The following GRID2 variants were observed in gnomAD, a reference collection of about 807,000 sequenced individuals.
GRID2 encodes the protein glutamate ionotropic receptor delta type subunit 2.
A neutral mutation model predicts 114.8 loss-of-function variants in GRID2; 33 were observed. The ratio of observed to expected loss-of-function variants is 0.29; its 90% confidence interval spans 0.22 to 0.38. GRID2 has a LOEUF of 0.38. GRID2 is among the 10% of genes least tolerant of loss of function. The pLI is 1.00. For missense variants in GRID2, 1,184 were observed against 1,257.7 expected, an observed-to-expected ratio of 0.94 and a Z score of 0.89; for synonymous variants, 505 against 449.9, an observed-to-expected ratio of 1.12 and a Z score of -1.55.
At chr4:93,277,473 T>C (rs1579517988) in intron 8 of GRID2, among the ~76,000 whole-genome samples, 1 of 151,958 alleles carries the variant, frequency 6.6e-6, no homozygotes, top group Non-Finnish European at 1.5e-5. Context: ...CATCGTCTTA[T>C]TGTCTTTAAT....
chr4:92,418,077 T>C (rs1421762031), intron 1 of GRID2, among the ~76,000 whole-genome samples: 8 of 152,106 alleles, frequency 5.3e-5, no homozygotes, highest in African/African-American at 1.7e-4. Flanking sequence ...CTAATACAGT[T>C]ATACATGAAG....
intron 2 of GRID2, among the ~76,000 whole-genome samples, chr4:92,776,195 A>G (rs1435847247): frequency 6.6e-6 from 1 of 152,162 alleles, no homozygotes; most frequent in Non-Finnish European, 1.5e-5. Flanking sequence ...ATATAAATAT[A>G]CTTTGTAAAA....
chr4:92,974,898 C>T (rs554721844), intron 2 of GRID2, among the ~76,000 whole-genome samples: 1 of 152,062 alleles, frequency 6.6e-6, no homozygotes, highest in South Asian at 2.1e-4. Flanking sequence ...CGGCTCACGC[C>T]TGTAATCCCA....
rs72886280 is a variant in GRID2 at position 93,515,496 on chromosome 4, T to G, written c.2193+85T>G. 9.1e-3 allele frequency: 7,919 copies of G among 867,724 alleles called. 352 individuals carry two copies. The African/African-American group carries it at 0.11, about 12-fold the overall frequency. 53.8% of individuals were successfully genotyped at this position (867,724 alleles called of 1,614,324 possible). A position where few individuals can be genotyped will look rare whatever the true frequency, so the allele number is the denominator to read the frequency against. On this transcript the variant is annotated intron_variant, in intron 13 of 15. Transcript: ENST00000282020. ...CGCAGTTGAGATTTGTTTTTTTTGT[T>G]TTGTTTTTTGTTTTTTATCTTTAAT...
rs539797694 is a variant in GRID2 at position 92,603,280 on chromosome 4, A to C, written c.244+12994A>C. Among the ~76,000 whole-genome samples the C allele has an allele frequency of 6.5e-4, 99 of 152,212 alleles. 1 individual carries two copies. Among genetic ancestry groups the C allele is most frequent in the African/African-American group, 2.3e-3 (94 of 41,562 alleles). On this transcript the variant is annotated intron_variant, in intron 2 of 15. Coordinates refer to ENST00000282020, the MANE Select transcript of GRID2 (RefSeq NM_001510.4). ...AAAAAGAACAAAGTTGAGCCATCAC[A>C]CTACCTGACTTCAAACTATACTACA...
intron 8 of GRID2, among the ~76,000 whole-genome samples, chr4:93,353,200 G>A (rs556135108): frequency 6.6e-6 from 1 of 152,100 alleles, no homozygotes; most frequent in South Asian, 2.1e-4. Context: ...AGAAGATTCT[G>A]TGGAAACTAG....
At position 93,302,873 on chromosome 4, in the gene GRID2, T is replaced by C. The variant is rs1755023503; in HGVS notation, c.1245+64383T>C. On this transcript the variant is annotated intron_variant, in intron 8 of 15. Coordinates refer to ENST00000282020, the MANE Select transcript of GRID2 (RefSeq NM_001510.4). ...GAGCCTGGGCTTTTTTAGCAAAAGC[T>C]GATGAAACTTGGTTAAAGAATGTAT... Among the ~76,000 whole-genome samples the C allele has an allele frequency of 5.9e-5, 9 of 152,330 alleles. No homozygotes were observed. In the South Asian group the frequency reaches 1.9e-3, roughly 32 times the overall value.
chr4:93,595,604 T>C (rs1291970664), intron 13 of GRID2, among the ~76,000 whole-genome samples: 2 of 152,246 alleles, frequency 1.3e-5, no homozygotes, highest in African/African-American at 2.4e-5. Context: ...TTATAATTTC[T>C]CTACCATTGT....
chr4:92,365,686 A>G (rs1465060570), intron 1 of GRID2, among the ~76,000 whole-genome samples: 1 of 152,114 alleles, frequency 6.6e-6, no homozygotes, highest in African/African-American at 2.4e-5. Context: ...ATGCATGTTA[A>G]TTTGCTTGAT....
intron 14 of GRID2, among the ~76,000 whole-genome samples, chr4:93,751,028 A>C (rs550064972): frequency 6.6e-6 from 1 of 152,214 alleles, no homozygotes; most frequent in Non-Finnish European, 1.5e-5. Flanking sequence ...TTATGCTACA[A>C]TATCTCTCAC....
chr4:93,057,679 G>A (rs1467828264), intron 2 of GRID2, among the ~76,000 whole-genome samples: 4 of 151,854 alleles, frequency 2.6e-5, no homozygotes, highest in African/African-American at 9.7e-5. Context: ...AAACTAGTCT[G>A]GGAAGAAGAG....
intron 5 of GRID2, among the ~76,000 whole-genome samples, chr4:93,215,146 A>C (rs1744044549): frequency 6.6e-6 from 1 of 151,992 alleles, no homozygotes; most frequent in African/African-American, 2.4e-5. Flanking sequence ...CAATATGCTG[A>C]TTTGTAGTTC....
At chr4:92,772,571 T>G (rs944391334) in intron 2 of GRID2, among the ~76,000 whole-genome samples, 5 of 152,156 alleles carry the variant, frequency 3.3e-5, no homozygotes, top group African/African-American at 1.2e-4. Flanking sequence ...TCTCAATATT[T>G]CCATATTGTA....
intron 8 of GRID2, among the ~76,000 whole-genome samples, chr4:93,349,047 G>C (rs1018577764): frequency 2.0e-5 from 3 of 151,944 alleles, no homozygotes; most frequent in African/African-American, 4.8e-5. Flanking sequence ...TCACATCTTC[G>C]CTTGATAGAT....
intron 11 of GRID2, among the ~76,000 whole-genome samples, chr4:93,487,069 A>AT (rs1726486610): frequency 6.6e-6 from 1 of 151,868 alleles, no homozygotes; most frequent in East Asian, 1.9e-4. Flanking sequence ...GAACTTGTCC[A>AT]TATCATCTTA....
At chr4:93,008,960 C>T (rs1721841527) in intron 2 of GRID2, among the ~76,000 whole-genome samples, 2 of 152,166 alleles carry the variant, frequency 1.3e-5, no homozygotes, top group Admixed American at 6.6e-5. Context: ...GTTCTCTTCA[C>T]AAAGTATAGG....
At chr4:93,649,776 C>T (rs1253273100) in intron 14 of GRID2, among the ~76,000 whole-genome samples, 1 of 152,048 alleles carries the variant, frequency 6.6e-6, no homozygotes, top group Non-Finnish European at 1.5e-5. Flanking sequence ...ACAGAAAATC[C>T]CAGATTTCCC....
intron 2 of GRID2, among the ~76,000 whole-genome samples, chr4:93,024,555 A>C (rs945066835): frequency 6.6e-6 from 1 of 151,772 alleles, no homozygotes; most frequent in Non-Finnish European, 1.5e-5. Flanking sequence ...TCAAAAAGAC[A>C]GGTTTTAAAC....
At chr4:92,941,747 C>G (rs890882709) in intron 2 of GRID2, among the ~76,000 whole-genome samples, 1 of 152,058 alleles carries the variant, frequency 6.6e-6, no homozygotes, top group African/African-American at 2.4e-5. Context: ...TGAATGTGTC[C>G]CAGAGATTCT....
Sources: allele counts gnomAD v4.1 joint callset (sites outside exome capture counted in the v4.1 genomes callset), GRCh38; gene constraint gnomAD v4.1.1; transcripts MANE v1.5; gene names NCBI Gene and HGNC (gene_info 2026-07-23, HGNC 2026-07-21).